Variants in SUN1 observed in about 807,000 individuals in gnomAD.
SUN1 encodes the protein SUN domain-containing protein 1.
Under a neutral mutation model 103.2 loss-of-function variants are expected in SUN1, and 61 were observed. The observed-to-expected ratio is 0.59, with a 90% CI of 0.48 to 0.73. SUN1 has a LOEUF of 0.73. Among genes scored for constraint, SUN1 ranks in the 30% least tolerant of loss-of-function variants. The pLI, the probability that SUN1 is intolerant of heterozygous loss-of-function variation, is 0.00. For synonymous variants in SUN1, 490 were observed against 425.7 expected (o/e 1.15, Z -1.86); for missense variants, 1,052 against 1,034.6 (o/e 1.02, Z -0.23).
intron 17 of SUN1, among the ~76,000 whole-genome samples, chr7:870,713 A>G (rs114969739): frequency 5.5e-4 from 84 of 151,764 alleles, no homozygotes; most frequent in African/African-American, 2.0e-3. Flanking sequence ...CCTCTCACTG[A>G]GTATTTCTTT....
rs1407983477 is a variant in SUN1 at position 853,521 on chromosome 7, T to C, written c.1166T>C (p.Leu389Ser). 1.2e-6 allele frequency: 2 copies of C among 1,613,790 alleles called. No individual in the cohort carries two copies. Among genetic ancestry groups the C allele is most frequent in the Non-Finnish European group, 1.7e-6 (2 of 1,180,038 alleles). The change falls in exon 10 of 19, where the codon TTG becomes TCG. Residue 389 changes from leucine (L) to serine (S), a missense_variant. Physicochemically the swap from Leu to Ser is moderately radical, Grantham distance 145 (BLOSUM62 -2). This residue lies in a region of SUN1 where 846 missense variants were observed against 774.5 expected (regional missense o/e 1.09). Transcript: ENST00000401592. ...HGENLRELTTLLQKLQARVDQ... is the reference protein window; with the variant it reads ...HGENLRELTTSLQKLQARVDQ... ...GAGAATCTCCGAGAGCTGACCACTT[T>C]GCTACAGAAGCTGCAGGCTCGGGTG...
At chr7:860,507 C>G in intron 14 of SUN1, 125 bp downstream of exon 14, 4 of 1,481,142 alleles carry the variant, frequency 2.7e-6, no homozygotes, top group Non-Finnish European at 3.6e-6. Context: ...GTGTGCTTAG[C>G]TGACGTAAGT....
intron 17 of SUN1, among the ~76,000 whole-genome samples, chr7:870,392 C>A (rs893651352): frequency 1.3e-5 from 2 of 152,002 alleles, no homozygotes; most frequent in Admixed American, 6.6e-5. Flanking sequence ...GAGTTCGAGA[C>A]CAGCCTGGCC....
intron 1 of SUN1, among the ~76,000 whole-genome samples, chr7:837,134 C>G (rs1804107420): frequency 6.6e-6 from 1 of 152,222 alleles, no homozygotes; most frequent in Non-Finnish European, 1.5e-5. Context: ...CCTGGGGCAG[C>G]AGGACAGTGG....
At chr7:827,468 T>TG (rs1562508089) in intron 1 of SUN1, among the ~76,000 whole-genome samples, 1 of 139,968 alleles carries the variant, frequency 7.1e-6, no homozygotes, top group African/African-American at 2.6e-5. Flanking sequence ...TAAAGTCCGT[T>TG]TTTTTTTTTT....
chr7:840,147 G>C (rs1807863047), intron 2 of SUN1, among the ~76,000 whole-genome samples: 1 of 152,226 alleles, frequency 6.6e-6, no homozygotes, highest in African/African-American at 2.4e-5. Context: ...TGGTTGATGG[G>C]TGGAGAACTG....
At chr7:849,085 G>A (rs1026660667) in intron 5 of SUN1, among the ~76,000 whole-genome samples, 1 of 152,110 alleles carries the variant, frequency 6.6e-6, no homozygotes, top group African/African-American at 2.4e-5. Flanking sequence ...CCAAGTAGCT[G>A]GGACTACAGG....
At chr7:854,595 G>A (rs916399228) in intron 10 of SUN1, among the ~76,000 whole-genome samples, 1 of 152,266 alleles carries the variant, frequency 6.6e-6, no homozygotes, top group African/African-American at 2.4e-5. Flanking sequence ...GTGGTCTGGT[G>A]TGTCAGTGCA....
chr7:853,474 T>G lies in SUN1; in HGVS notation c.1119T>G (p.Ser373=). The stretch of plus-strand genomic sequence containing the variant: ...TGGAGCAGCAGGTGGCCTCTCTGTC[T>G]GGACAGTGCCACCACCATGGTGAGA... ...SGVEQQVASL[S]GQCHHHGENL... is the part of the protein sequence containing the mutation. The change falls in exon 10 of 19, where the codon TCT becomes TCG. Residue 373 remains serine (S), a synonymous_variant. Coordinates refer to ENST00000401592, the MANE Select transcript of SUN1 (RefSeq NM_001130965.3). 1 of 1,614,106 alleles carries G rather than the reference T, an allele frequency of 6.2e-7. No homozygotes were observed. Among genetic ancestry groups the G allele is most frequent in the Middle Eastern group, 1.6e-4 (1 of 6,062 alleles).
chr7:856,461 G>A (rs927840768), intron 12 of SUN1, 60 bp downstream of exon 12: 112 of 1,598,944 alleles, frequency 7.0e-5, no homozygotes, highest in Middle Eastern at 5.0e-4. Context: ...GTTATGTGGA[G>A]CGGCAGCAGA....
chr7:873,859 T>A lies in SUN1; in HGVS notation c.*528T>A, dbSNP rs1034609608. ...CACCAGTAGGTACTAAGTCTCCAGA[T>A]GGGGAAATAACTAAAATGTGTTTTT... On this transcript the variant is annotated 3_prime_UTR_variant, in exon 19 of 19. Transcript: ENST00000401592. 1.0e-4 allele frequency: 16 copies of A among 152,868 alleles called. No individual in the cohort carries two copies. Among genetic ancestry groups the A allele is most frequent in the African/African-American group, 3.6e-4 (15 of 41,466 alleles). 9.5% of individuals were successfully genotyped at this position (152,868 alleles called of 1,614,324 possible).
intron 18 of SUN1, 60 bp downstream of exon 18, chr7:872,622 A>G: frequency 1.4e-6 from 2 of 1,380,008 alleles, no homozygotes; most frequent in Non-Finnish European, 1.0e-6. Context: ...TCGTGACAGC[A>G]GGGCCCAGCT....
chr7:841,327 T>C (rs1809664584), intron 2 of SUN1, among the ~76,000 whole-genome samples: 1 of 143,732 alleles, frequency 7.0e-6, no homozygotes, highest in Admixed American at 7.4e-5. Context: ...CACTGCAACC[T>C]CTGTCTCCCA....
intron 18 of SUN1, among the ~76,000 whole-genome samples, 186 bp downstream of exon 18, chr7:872,748 C>T (rs1051554994): frequency 3.3e-5 from 5 of 152,296 alleles, no homozygotes; most frequent in Admixed American, 6.5e-5. Context: ...CAGTTTTACC[C>T]GTGCTTCATG....
intron 12 of SUN1, among the ~76,000 whole-genome samples, chr7:857,259 G>A (rs180764140): frequency 1.7e-4 from 26 of 152,302 alleles, no homozygotes; most frequent in East Asian, 5.8e-4. Flanking sequence ...TTCCTCTTCT[G>A]TGAGGACAGG....
intron 14 of SUN1, 97 bp from the exon 15 acceptor site, chr7:861,283 T>G (rs1407019403): frequency 3.0e-5 from 36 of 1,207,466 alleles, no homozygotes; most frequent in Non-Finnish European, 4.0e-5. Context: ...GAGAAGATGC[T>G]CTAATGTAAG....
intron 12 of SUN1, among the ~76,000 whole-genome samples, chr7:856,743 T>C (rs1402879077): frequency 6.6e-6 from 1 of 152,080 alleles, no homozygotes; most frequent in Non-Finnish European, 1.5e-5. Flanking sequence ...GCCCGTGCCA[T>C]GGTGGGTGTC....
chr7:855,769 G>A (rs1826585560), intron 11 of SUN1, among the ~76,000 whole-genome samples: 1 of 152,142 alleles, frequency 6.6e-6, no homozygotes, highest in Non-Finnish European at 1.5e-5. Flanking sequence ...GTCCGCCTGA[G>A]AAGGTCTGTG....
intron 5 of SUN1, 91 bp downstream of exon 5, chr7:843,611 C>G (rs755736380): frequency 1.2e-6 from 2 of 1,607,548 alleles, no homozygotes; most frequent in East Asian, 4.5e-5. Flanking sequence ...CACTATTTGT[C>G]TTGGAGACTT....
Sources: allele counts gnomAD v4.1 joint callset (sites outside exome capture counted in the v4.1 genomes callset), GRCh38; gene constraint gnomAD v4.1.1; regional missense constraint gnomAD v4.1.1; transcripts MANE v1.5; gene names NCBI Gene and HGNC (gene_info 2026-07-23, HGNC 2026-07-21).